The following NUDT3 variants were observed in gnomAD, a reference collection of about 807,000 sequenced individuals.
NUDT3 encodes the protein nudix hydrolase 3.
In NUDT3, 9 loss-of-function variants were observed where a neutral mutation model predicts 23.6. The observed-to-expected ratio is 0.38, with a 90% CI of 0.23 to 0.66. The LOEUF (loss-of-function observed/expected upper bound fraction) is 0.66, where lower values mean the gene tolerates loss of function less well. Among genes scored for constraint, NUDT3 ranks in the 30% least tolerant of loss-of-function variants. The pLI is 0.52. For synonymous variants in NUDT3, 86 were observed against 82.6 expected, an observed-to-expected ratio of 1.04 and a Z score of -0.22; for missense variants, 172 against 218.5, an observed-to-expected ratio of 0.79 and a Z score of 1.34.
At chr6:34,390,198 C>G (rs1765174736) in intron 1 of NUDT3, among the ~76,000 whole-genome samples, 1 of 150,780 alleles carries the variant, frequency 6.6e-6, no homozygotes, top group Non-Finnish European at 1.5e-5. Flanking sequence ...AAAATGCAAG[C>G]TCCTAGAATC....
At chr6:34,380,593 T>C (rs1416279877) in intron 1 of NUDT3, among the ~76,000 whole-genome samples, 5 of 152,218 alleles carry the variant, frequency 3.3e-5, no homozygotes, top group African/African-American at 9.6e-5. Flanking sequence ...AGGATTTTCC[T>C]GGTTGATTTC....
chr6:34,295,701 A>T lies in NUDT3; in HGVS notation c.211-16T>A. 1 of 1,613,736 alleles carries T rather than the reference A, an allele frequency of 6.2e-7. No homozygotes were observed. The highest frequency in any genetic ancestry group is 1.1e-5 in the South Asian group (1 of 90,994). ...TTACTCCAGCCTAGAAAGTGAAAAG[A>T]ACAATTAATGCACTGATAGTATTAT... On this transcript the variant is annotated splice_polypyrimidine_tract_variant and intron_variant, in intron 2 of 4. Coordinates refer to ENST00000607016, the MANE Select transcript of NUDT3 (RefSeq NM_006703.4).
chr6:34,297,239 T>C (rs1487363932), intron 2 of NUDT3, among the ~76,000 whole-genome samples: 1 of 152,062 alleles, frequency 6.6e-6, no homozygotes, highest in Non-Finnish European at 1.5e-5. Flanking sequence ...GCCTGCCTTT[T>C]CTTAAATAAG....
At chr6:34,293,851 G>A (rs1207982371) in intron 3 of NUDT3, among the ~76,000 whole-genome samples, 1 of 152,086 alleles carries the variant, frequency 6.6e-6, no homozygotes, top group East Asian at 1.9e-4. Flanking sequence ...GACCACCAGG[G>A]AGAGGACTGT....
chr6:34,336,252 A>AAAACAAAC (rs371175665), intron 2 of NUDT3, among the ~76,000 whole-genome samples: 2 of 152,044 alleles, frequency 1.3e-5, no homozygotes, highest in East Asian at 1.9e-4. Flanking sequence ...ACTCCATCTC[A>AAAACAAAC]AAACAAACAA....
At position 34,346,117 on chromosome 6, in the gene NUDT3, C is replaced by A. The variant is rs535354165; in HGVS notation, c.100-4145G>T. ...AAACTACTGCCACACTCATTCTCTT[C>A]AATAACTGTGACCAATCTTACATTT... On this transcript the variant is annotated intron_variant, in intron 1 of 4. Transcript: ENST00000607016. Among the ~76,000 whole-genome samples the A allele has an allele frequency of 3.9e-5, 6 of 152,200 alleles. No individual in the cohort carries two copies. In the East Asian group the frequency reaches 1.2e-3, roughly 29 times the overall value.
chr6:34,375,985 T>C (rs778393791), intron 1 of NUDT3, among the ~76,000 whole-genome samples: 4 of 152,162 alleles, frequency 2.6e-5, no homozygotes, highest in South Asian at 2.1e-4. Context: ...TTCTGTGTAC[T>C]TTCTCTTGTG....
At chr6:34,383,295 T>C (rs1765053621) in intron 1 of NUDT3, among the ~76,000 whole-genome samples, 1 of 152,198 alleles carries the variant, frequency 6.6e-6, no homozygotes, top group African/African-American at 2.4e-5. Flanking sequence ...AAAGATTTTC[T>C]AAGCAGTTCA....
rs748522911 is a variant in NUDT3, at chr6:34,287,357, T to A, written c.*1396A>T. On this transcript the variant is annotated 3_prime_UTR_variant, in exon 5 of 5. Transcript: ENST00000607016. ...TCCCTACCCCTCAATCTCAAGACCC[T>A]CTTACTTCCGAACTAAACAACACAA... 5.9e-5 allele frequency: 9 copies of A among 152,278 alleles called. No homozygotes were observed. The East Asian group carries it at 1.2e-3, about 20-fold the overall frequency. 9.4% of individuals were successfully genotyped at this position (152,278 alleles called of 1,614,324 possible).
At chr6:34,295,974 C>A (rs138613109) in intron 2 of NUDT3, among the ~76,000 whole-genome samples, 22 of 152,290 alleles carry the variant, frequency 1.4e-4, no homozygotes, top group Non-Finnish European at 2.8e-4. Flanking sequence ...GAAGCCACCA[C>A]ACCAAAAATA....
rs1307673223 is a variant in NUDT3 at position 34,290,852 on chromosome 6, C to T, written c.341-1921G>A. ...GTCTGTCACCCAGGCTGGAGTACAG[C>T]GATGTGATCCCGGCTCACTGCAACC... On this transcript the variant is annotated intron_variant, in intron 4 of 4. Coordinates refer to ENST00000607016, the MANE Select transcript of NUDT3 (RefSeq NM_006703.4). Among the ~76,000 whole-genome samples, 5 of 150,662 alleles carry T rather than the reference C, an allele frequency of 3.3e-5. No homozygotes were observed. The East Asian group carries it at 5.8e-4, about 17-fold the overall frequency.
At chr6:34,326,341 G>C (rs1472477748) in intron 2 of NUDT3, among the ~76,000 whole-genome samples, 1 of 151,932 alleles carries the variant, frequency 6.6e-6, no homozygotes, top group South Asian at 2.1e-4. Context: ...TTTGCTTTCG[G>C]AGACAAAAAA....
chr6:34,384,122 G>A (rs1056340837), intron 1 of NUDT3, among the ~76,000 whole-genome samples: 15 of 152,156 alleles, frequency 9.9e-5, no homozygotes, highest in Non-Finnish European at 1.8e-4. Context: ...CTGCAGAGAC[G>A]TCAGTCCACC....
At chr6:34,355,967 T>A (rs1764554650) in intron 1 of NUDT3, among the ~76,000 whole-genome samples, 1 of 152,088 alleles carries the variant, frequency 6.6e-6, no homozygotes, top group Non-Finnish European at 1.5e-5. Flanking sequence ...ATGTCCTTTA[T>A]AATAAACCAG....
chr6:34,334,381 G>A (rs1764174489), intron 2 of NUDT3, among the ~76,000 whole-genome samples: 4 of 152,158 alleles, frequency 2.6e-5, no homozygotes, highest in Admixed American at 2.6e-4. Flanking sequence ...GCTCACACCT[G>A]TAATCCCAGC....
At chr6:34,299,635 G>A (rs1763568015) in intron 2 of NUDT3, among the ~76,000 whole-genome samples, 1 of 149,266 alleles carries the variant, frequency 6.7e-6, no homozygotes, top group African/African-American at 2.5e-5. Context: ...TCCAGGTGTG[G>A]TGACTCACGC....
intron 1 of NUDT3, among the ~76,000 whole-genome samples, chr6:34,366,473 A>AAAGG (rs1554157825): frequency 4.7e-4 from 14 of 29,818 alleles, no homozygotes; most frequent in Non-Finnish European, 7.8e-4. Flanking sequence ...AGAGAGAGGG[A>AAAGG]AGGGAGGGAG....
intron 2 of NUDT3, among the ~76,000 whole-genome samples, chr6:34,305,057 AC>A (rs1269537800): frequency 7.2e-6 from 1 of 139,446 alleles, no homozygotes; most frequent in Non-Finnish European, 1.5e-5. Flanking sequence ...ATACTGGCTC[AC>A]TGCAACCTCC....
At chr6:34,348,653 G>C (rs1265185248) in intron 1 of NUDT3, among the ~76,000 whole-genome samples, 1 of 151,994 alleles carries the variant, frequency 6.6e-6, no homozygotes, top group South Asian at 2.1e-4. Context: ...GCGGGCGCCT[G>C]TAGTCCCAGC....
Sources: gnomAD v4.1 joint callset for allele counts (sites outside exome capture counted in the v4.1 genomes callset) on GRCh38, gnomAD v4.1.1 for gene constraint, MANE v1.5 for transcripts, NCBI Gene and HGNC (gene_info 2026-07-23, HGNC 2026-07-21) for gene names.